Variants in GEMIN7 observed in about 807,000 individuals in gnomAD.
GEMIN7 encodes gem-associated protein 7.
Under a neutral mutation model 7.8 loss-of-function variants are expected in GEMIN7, and 7 were observed. The observed-to-expected ratio is 0.90, with a 90% CI of 0.51 to 1.69. The LOEUF is 1.69. Ranked by LOEUF, GEMIN7 falls within the 40% of genes most tolerant of loss-of-function variation. The pLI, the probability that GEMIN7 is intolerant of heterozygous loss-of-function variation, is 0.00. For synonymous variants in GEMIN7, 68 were observed against 72.4 expected (o/e 0.94, Z 0.31); for missense variants, 159 against 176.2 (o/e 0.90, Z 0.55).
intron 2 of GEMIN7, among the ~76,000 whole-genome samples, chr19:45,083,599 CTTTTT>C (rs1184251456): frequency 2.1e-5 from 1 of 48,336 alleles, no homozygotes; most frequent in Non-Finnish European, 5.1e-5. Flanking sequence ...AATTCTTCTT[CTTTTT>C]TTTTTTTTTT....
Position 45,087,125 on chromosome 19 carries a change from G to A in GEMIN7, c.-8-2982G>A, listed in dbSNP as rs1426160816. Among the ~76,000 whole-genome samples, 9 of 151,432 alleles carry A rather than the reference G, an allele frequency of 5.9e-5. No individual in the cohort carries two copies. In the South Asian group the frequency reaches 1.5e-3, roughly 25 times the overall value. On this transcript the variant is annotated intron_variant, in intron 2 of 2. Coordinates refer to ENST00000270257, the MANE Select transcript of GEMIN7 (RefSeq NM_024707.3). ...CTCCCAAAGTGCTGGGATTACAGGC[G>A]TGAGCCACCGCGCCCAGCCAATGTT...
chr19:45,084,142 C>T (rs1349403751), intron 2 of GEMIN7, among the ~76,000 whole-genome samples: 2 of 140,414 alleles, frequency 1.4e-5, no homozygotes, highest in Admixed American at 7.7e-5. Flanking sequence ...ACCCGGGAGG[C>T]GGACGTTGTA....
intron 2 of GEMIN7, among the ~76,000 whole-genome samples, chr19:45,085,863 C>CTTTTTTTTTT (rs869044428): frequency 9.1e-5 from 8 of 88,392 alleles, no homozygotes; most frequent in African/African-American, 1.5e-4. Context: ...ACAAGAATCT[C>CTTTTTTTTTT]TTTTTTTTTT....
At position 45,091,416 on chromosome 19, in the gene GEMIN7, T is replaced by C. The variant is rs1231532309; in HGVS notation, c.*906T>C. On this transcript the variant is annotated 3_prime_UTR_variant, in exon 3 of 3. Transcript: ENST00000270257. ...CTATCACTAGTAACCTTTCAGCGCA[T>C]TGTTTAAAAAGAAAGCAGTTTCTGT... 2 of 167,140 alleles carry C rather than the reference T, an allele frequency of 1.2e-5. No homozygotes were observed. The highest frequency in any genetic ancestry group is 1.5e-5 in the Non-Finnish European group (1 of 68,132). The allele number at this position is 167,140 out of a possible 1,614,324, so 10.4% of individuals were successfully genotyped here.
chr19:45,076,131 G>C, upstream of GEMIN7: 3 of 1,558,024 alleles, frequency 1.9e-6, no homozygotes, highest in South Asian at 2.4e-5. This position sits in a 1 kb window ranked among gnomAD's most constrained non-coding sequence, Gnocchi z 4.9. Context: ...GCGGGCCGAG[G>C]GCGAGGAGGG....
upstream of GEMIN7, among the ~76,000 whole-genome samples, chr19:45,077,394 A>G (rs1232574633): frequency 6.6e-6 from 1 of 152,076 alleles, no homozygotes; most frequent in Non-Finnish European, 1.5e-5. Flanking sequence ...CCCTCCCCTA[A>G]GCAGTTCTGT....
upstream of GEMIN7, among the ~76,000 whole-genome samples, chr19:45,078,172 G>C (rs1157672875): frequency 1.5e-5 from 2 of 137,758 alleles, no homozygotes; most frequent in African/African-American, 5.5e-5. Context: ...CACGACCTCA[G>C]CTCACTGCAA....
chr19:45,090,243 G>A lies in GEMIN7; in HGVS notation c.129G>A (p.Glu43=), dbSNP rs1474481514. The A allele has an allele frequency of 1.9e-6, 3 of 1,614,224 alleles. No homozygotes were observed. Among genetic ancestry groups the A allele is most frequent in the East Asian group, 2.2e-5 (1 of 44,886 alleles). ...PLRPEVPEIQ[E]CPIAQESLES... ...GGCCAGAGGTTCCTGAAATCCAGGA[G>A]TGTCCCATAGCTCAAGAATCCCTGG... The change falls in exon 3 of 3, where the codon GAG becomes GAA. Residue 43 remains glutamate (E), a synonymous_variant. Transcript: ENST00000270257.
chr19:45,084,429 G>C (rs1210647868), intron 2 of GEMIN7, among the ~76,000 whole-genome samples: 2 of 152,048 alleles, frequency 1.3e-5, no homozygotes, highest in African/African-American at 4.8e-5. Context: ...TTGAGACAGA[G>C]TCTCGCTGTG....
chr19:45,076,267 G>A, upstream of GEMIN7: 2 of 1,493,004 alleles, frequency 1.3e-6, no homozygotes, highest in South Asian at 1.3e-5. The surrounding 1 kb of genome is among the most constrained non-coding windows in gnomAD (Gnocchi z 4.9). Flanking sequence ...GTCTGGCTCG[G>A]GCTTGAGTTC....
In GEMIN7 at chr19:45,090,386, A is replaced by G. The variant is rs1967857299; in HGVS notation, c.272A>G (p.His91Arg). ...CACGAGGGTGTGCGTGTGGCCGCCC[A>G]CTTTGGAGCCACCGACCTGGATGTG... ...TLHEGVRVAA[H>R]FGATDLDVAN... The change falls in exon 3 of 3, where the codon CAC becomes CGC. Residue 91 changes from histidine to arginine, a missense_variant. Physicochemically the swap from His to Arg is conservative, Grantham distance 29. Coordinates refer to ENST00000270257, the MANE Select transcript of GEMIN7 (RefSeq NM_024707.3). The G allele has an allele frequency of 5.0e-6, 8 of 1,614,136 alleles. No homozygotes were observed. The highest frequency in any genetic ancestry group is 6.8e-6 in the Non-Finnish European group (8 of 1,180,040).
At position 45,089,924 on chromosome 19, in the gene GEMIN7, G is replaced by C. The variant is rs992806345; in HGVS notation, c.-8-183G>C. 3 of 600,036 alleles carry C rather than the reference G, an allele frequency of 5.0e-6. No individual in the cohort carries two copies. In the Admixed American group the frequency reaches 9.0e-5, roughly 18 times the overall value. The allele number at this position is 600,036 out of a possible 1,614,324, so 37.2% of individuals were successfully genotyped here. On this transcript the variant is annotated intron_variant, in intron 2 of 2. Transcript: ENST00000270257. ...ACGGGGCTCATGTTTTTGTGCATGT[G>C]ACACTTTTGTTTCTGATCCAAGCCA... is the stretch of plus-strand genomic sequence containing the variant.
intron 2 of GEMIN7, among the ~76,000 whole-genome samples, chr19:45,083,238 A>G (rs1468233453): frequency 1.3e-5 from 2 of 152,224 alleles, no homozygotes; most frequent in African/African-American, 4.8e-5. Flanking sequence ...ACCTGAGACC[A>G]GGAGATGTAG....
At chr19:45,076,507 T>C, upstream of GEMIN7, 3 of 627,176 alleles carry the variant, frequency 4.8e-6, 1 homozygote, top group Non-Finnish European at 6.7e-6. This position sits in a 1 kb window ranked among gnomAD's most constrained non-coding sequence, Gnocchi z 4.9. Flanking sequence ...CTCTTACACG[T>C]GCTGGCCGGG....
In GEMIN7 at chr19:45,090,555, C is replaced by T. The variant is rs961716769; in HGVS notation, c.*45C>T. 6.5e-7 allele frequency: 1 copy of T among 1,545,234 alleles called. No individual in the cohort carries two copies. Among genetic ancestry groups the T allele is most frequent in the Non-Finnish European group, 8.8e-7 (1 of 1,135,418 alleles). ...CTGCTTGAGGCTAAGGCACTGTATC[C>T]CAGGCCTCCCAATGTTCCCGAGCCA... On this transcript the variant is annotated 3_prime_UTR_variant, in exon 3 of 3. Transcript: ENST00000270257.
upstream of GEMIN7, chr19:45,076,384 C>CCGGGCGAGCGAG: frequency 1.6e-6 from 2 of 1,289,682 alleles, no homozygotes; most frequent in Non-Finnish European, 2.0e-6. The surrounding 1 kb of genome is among the most constrained non-coding windows in gnomAD (Gnocchi z 4.9). Flanking sequence ...GAGTCGCGGG[C>CCGGGCGAGCGAG]CGGGCGAGCG....
upstream of GEMIN7, among the ~76,000 whole-genome samples, chr19:45,077,966 GCGCTCCTCC>G: frequency 6.6e-6 from 1 of 152,040 alleles, no homozygotes; most frequent in East Asian, 1.9e-4. Context: ...TTGGCTTGAA[GCGCTCCTCC>G]TGCTTCAGCA....
rs116394152 is a variant in GEMIN7 at position 45,088,882 on chromosome 19, T to G, written c.-8-1225T>G. On this transcript the variant is annotated intron_variant, in intron 2 of 2. Transcript: ENST00000270257. ...CCCTTTACAGTGAATGAATATCTTA[T>G]AAGTCTGTTAAGACTATGTAGATAC... is the stretch of plus-strand genomic sequence containing the variant. Among the ~76,000 whole-genome samples, 937 of 151,986 alleles carry G rather than the reference T, an allele frequency of 6.2e-3. 9 individuals carry two copies. The highest frequency in any genetic ancestry group is 0.021 in the African/African-American group (878 of 41,408).
At chr19:45,088,657 A>C (rs983426401) in intron 2 of GEMIN7, 3 of 152,152 alleles carry the variant, frequency 2.0e-5, no homozygotes, top group Non-Finnish European at 4.4e-5. Context: ...AGAGGCTGGA[A>C]GATCACTTGA....
Sources: allele counts gnomAD v4.1 joint callset (sites outside exome capture counted in the v4.1 genomes callset), GRCh38; gene constraint gnomAD v4.1.1; non-coding constraint Gnocchi (gnomAD v3.1); transcripts MANE v1.5; gene names NCBI Gene and HGNC (gene_info 2026-07-23, HGNC 2026-07-21).